Variants in RGS21 observed in about 807,000 individuals in gnomAD.
RGS21 encodes regulator of G protein signaling 21.
In RGS21, 19 loss-of-function variants were observed where a neutral mutation model predicts 18.7. The observed-to-expected ratio is 1.01, with a 90% CI of 0.71 to 1.49. RGS21 has a LOEUF of 1.49. RGS21 is among the 40% of genes most tolerant of loss of function. RGS21 has a pLI of 0.00. For synonymous variants in RGS21, 56 were observed against 57.8 expected, an observed-to-expected ratio of 0.97 and a Z score of 0.14; for missense variants, 194 against 176.8, an observed-to-expected ratio of 1.10 and a Z score of -0.55.
chr1:192,320,048 G>A (rs1043113242), intron 1 of RGS21, among the ~76,000 whole-genome samples: 16 of 152,024 alleles, frequency 1.1e-4, no homozygotes, highest in African/African-American at 3.9e-4. Context: ...AGGTCACACA[G>A]CAATACAGAT....
At chr1:192,359,462 A>G (rs1312695540) in intron 4 of RGS21, among the ~76,000 whole-genome samples, 1 of 151,932 alleles carries the variant, frequency 6.6e-6, no homozygotes, top group East Asian at 1.9e-4. Flanking sequence ...TTCAAACTCA[A>G]TATTTCATCT....
At position 192,340,817 on chromosome 1, in the gene RGS21, C is replaced by T. The variant is rs116557970; in HGVS notation, c.-60-2160C>T. ...AAGAGGCAACCAAAAGGGGAAACTC[C>T]GTATGAAATTATTAGATCTCATGAG... is the stretch of plus-strand genomic sequence containing the variant. On this transcript the variant is annotated intron_variant, in intron 1 of 4. Coordinates refer to ENST00000417209, the MANE Select transcript of RGS21 (RefSeq NM_001039152.3). Among the ~76,000 whole-genome samples the T allele has an allele frequency of 9.9e-3, 1,510 of 152,108 alleles. 12 individuals carry two copies. Among genetic ancestry groups the T allele is most frequent in the Middle Eastern group, 0.024 (7 of 294 alleles).
At chr1:192,341,433 G>C (rs1008509086) in intron 1 of RGS21, among the ~76,000 whole-genome samples, 1 of 152,074 alleles carries the variant, frequency 6.6e-6, no homozygotes, top group Admixed American at 6.6e-5. Context: ...TGTCCCAACA[G>C]TATCTATATG....
At chr1:192,335,494 T>C (rs1381700757) in intron 1 of RGS21, among the ~76,000 whole-genome samples, 1 of 152,198 alleles carries the variant, frequency 6.6e-6, no homozygotes, top group Non-Finnish European at 1.5e-5. Flanking sequence ...TTTCTACCTA[T>C]CCATTTCATT....
At chr1:192,359,050 T>C (rs976463266) in intron 4 of RGS21, among the ~76,000 whole-genome samples, 8 of 152,122 alleles carry the variant, frequency 5.3e-5, no homozygotes, top group African/African-American at 1.9e-4. Context: ...TGATGACATC[T>C]CAGCTGTCAT....
In RGS21 at chr1:192,359,653, G is replaced by GTATATATA. The variant is rs1202366412; in HGVS notation, c.256-6267_256-6266insATATATAT. Among the ~76,000 whole-genome samples the GTATATATA allele has an allele frequency of 3.3e-3, 344 of 104,488 alleles. 6 individuals are homozygous for GTATATATA. Among genetic ancestry groups the GTATATATA allele is most frequent in the African/African-American group, 0.013 (298 of 22,824 alleles). 68.5% of individuals were successfully genotyped at this position (104,488 alleles called of 152,430 possible). A position where few individuals can be genotyped will look rare whatever the true frequency, so the allele number is the denominator to read the frequency against. ...TATATATATGTTTATATGTGTGTGT[G>GTATATATA]TGTATATATATATATATATATATAT... On this transcript the variant is annotated intron_variant, in intron 4 of 4. Transcript: ENST00000417209.
In RGS21 at chr1:192,331,648, A is replaced by T. The variant is rs566066383; in HGVS notation, c.-60-11329A>T. Among the ~76,000 whole-genome samples, 9 of 152,000 alleles carry T rather than the reference A, an allele frequency of 5.9e-5. No individual in the cohort carries two copies. In the South Asian group the frequency reaches 1.7e-3, roughly 28 times the overall value. On this transcript the variant is annotated intron_variant, in intron 1 of 4. Transcript: ENST00000417209. ...TTCAAAAAATTTGACATATTTAAAAACCTATTGAGTGGCACAATGAGAGTA... is the reference window on the plus strand; with the variant it reads ...TTCAAAAAATTTGACATATTTAAAATCCTATTGAGTGGCACAATGAGAGTA...
intron 4 of RGS21, among the ~76,000 whole-genome samples, chr1:192,357,066 A>G (rs1659121792): frequency 6.6e-6 from 1 of 151,886 alleles, no homozygotes; most frequent in Non-Finnish European, 1.5e-5. Flanking sequence ...AACTTCCATG[A>G]GTGTCCTAAC....
At chr1:192,329,257 G>A (rs1658611858) in intron 1 of RGS21, among the ~76,000 whole-genome samples, 1 of 152,036 alleles carries the variant, frequency 6.6e-6, no homozygotes, top group Non-Finnish European at 1.5e-5. Context: ...ACTAGTATGA[G>A]CATAAAATTC....
chr1:192,356,077 A>C (rs937148295), intron 4 of RGS21, among the ~76,000 whole-genome samples: 1 of 151,856 alleles, frequency 6.6e-6, no homozygotes, highest in Non-Finnish European at 1.5e-5. Context: ...GTATCTACCA[A>C]ATGTGAGGAC....
In RGS21 at chr1:192,347,354, G is replaced by A; in HGVS notation, c.53G>A (p.Trp18Ter). 1 of 1,606,852 alleles carries A rather than the reference G, an allele frequency of 6.2e-7. No homozygotes were observed. The highest frequency in any genetic ancestry group is 1.1e-5 in the South Asian group (1 of 90,420). ...TCACCAACTGCGGAAACAATGACAT[G>A]GTCTGAAAATATGGACACGCTTTTA... Reference protein sequence around the residue: ...YRSPTAETMTWSENMDTLLAN... With the variant: ...YRSPTAETMT Residue 18 changes from tryptophan to a stop codon, truncating the protein, a stop_gained, in exon 3 of 5, where the codon TGG becomes TAG. Coordinates refer to ENST00000417209, the MANE Select transcript of RGS21 (RefSeq NM_001039152.3). LOFTEE classifies it high-confidence loss of function.
chr1:192,363,185 A>G (rs1427394249), intron 4 of RGS21, among the ~76,000 whole-genome samples: 1 of 152,168 alleles, frequency 6.6e-6, no homozygotes, highest in Non-Finnish European at 1.5e-5. Flanking sequence ...TAGGTATTAC[A>G]TTGTAAAGGC....
intron 1 of RGS21, among the ~76,000 whole-genome samples, chr1:192,329,696 T>C (rs1658618114): frequency 6.6e-6 from 1 of 152,022 alleles, no homozygotes; most frequent in Non-Finnish European, 1.5e-5. Context: ...CAAATCTTTG[T>C]GCTATAATCT....
chr1:192,352,830 T>C lies in RGS21; in HGVS notation c.255+617T>C, dbSNP rs145361538. ...AATAGCGCTCCAAACGTGTTTTATA[T>C]GTGGAATATCTCATTTGTAGTTGAT... On this transcript the variant is annotated intron_variant, in intron 4 of 4. Coordinates refer to ENST00000417209, the MANE Select transcript of RGS21 (RefSeq NM_001039152.3). Among the ~76,000 whole-genome samples the C allele has an allele frequency of 2.6e-5, 4 of 152,032 alleles. No individual in the cohort carries two copies. In the South Asian group the frequency reaches 6.2e-4, roughly 24 times the overall value.
At chr1:192,333,269 T>TACACAC (rs137948736) in intron 1 of RGS21, among the ~76,000 whole-genome samples, 3,521 of 142,954 alleles carry the variant, frequency 0.025, 75 homozygotes, top group Middle Eastern at 0.057. Context: ...GTTTCTTAAA[T>TACACAC]ACACACACAC....
chr1:192,321,106 A>C (rs1479621022), intron 1 of RGS21, among the ~76,000 whole-genome samples: 1 of 151,988 alleles, frequency 6.6e-6, no homozygotes, highest in Admixed American at 6.6e-5. Context: ...CTAAGACTTC[A>C]TGTCTCTAAA....
intron 4 of RGS21, among the ~76,000 whole-genome samples, chr1:192,353,309 G>C (rs1659070470): frequency 6.6e-6 from 1 of 151,878 alleles, no homozygotes; most frequent in Non-Finnish European, 1.5e-5. Flanking sequence ...ATAGTCACGT[G>C]AACCACTGAA....
At chr1:192,360,193 G>T (rs571724656) in intron 4 of RGS21, among the ~76,000 whole-genome samples, 6 of 151,922 alleles carry the variant, frequency 3.9e-5, no homozygotes, top group Non-Finnish European at 8.8e-5. Context: ...CTGATTTCCT[G>T]CCCAAAGCTT....
At chr1:192,331,302 C>G (rs1658644503) in intron 1 of RGS21, among the ~76,000 whole-genome samples, 1 of 151,996 alleles carries the variant, frequency 6.6e-6, no homozygotes, top group Non-Finnish European at 1.5e-5. Flanking sequence ...GCCTATAATC[C>G]CAGCACTTTG....
Sources: gnomAD v4.1 joint callset for allele counts (sites outside exome capture counted in the v4.1 genomes callset) on GRCh38, gnomAD v4.1.1 for gene constraint, MANE v1.5 for transcripts, NCBI Gene and HGNC (gene_info 2026-07-23, HGNC 2026-07-21) for gene names.